PCDHGB2: variants seen among roughly 807,000 people sequenced by gnomAD.
The protein encoded by PCDHGB2 is protocadherin gamma-B2.
Under a neutral mutation model 59.3 loss-of-function variants are expected in PCDHGB2, and 55 were observed. The ratio of observed to expected loss-of-function variants is 0.93; its 90% CI spans 0.75 to 1.16. The LOEUF (loss-of-function observed/expected upper bound fraction) is 1.16, where lower values mean the gene tolerates loss of function less well. Among genes scored for constraint, PCDHGB2 ranks in the 50% most tolerant of loss-of-function variants. PCDHGB2 has a pLI of 0.00. For synonymous variants in PCDHGB2, 516 were observed against 512.0 expected, an observed-to-expected ratio of 1.01 and a Z score of -0.11; for missense variants, 1,228 against 1,198.5, an observed-to-expected ratio of 1.02 and a Z score of -0.36.
chr5:141,415,755 T>G (rs753465209), intron 1 of PCDHGB2: 41 of 1,387,576 alleles, frequency 3.0e-5, no homozygotes, highest in Middle Eastern at 2.6e-4. Flanking sequence ...TTTTTTTTTT[T>G]TTTTTTTTTT....
Position 141,476,788 on chromosome 5 carries a change from C to G in PCDHGB2, c.2422-18019C>G. 1 of 1,613,478 alleles carries G rather than the reference C, an allele frequency of 6.2e-7. No homozygotes were observed. Among genetic ancestry groups the G allele is most frequent in the Non-Finnish European group, 8.5e-7 (1 of 1,180,032 alleles). ...CGTTGGACGGAGGGACCCCAGCTCT[C>G]TCCGCCAGCCTGCCTATTCACATCA... On this transcript the variant is annotated intron_variant, in intron 1 of 3. Coordinates refer to ENST00000522605, the MANE Select transcript of PCDHGB2 (RefSeq NM_018923.3). This position sits in a 1 kb window ranked among gnomAD's most constrained non-coding sequence, Gnocchi z 7.6.
chr5:141,397,602 G>T (rs2150712888), intron 1 of PCDHGB2, among the ~76,000 whole-genome samples: 1 of 152,296 alleles, frequency 6.6e-6, no homozygotes, highest in African/African-American at 2.4e-5. Flanking sequence ...TATTGCCAGT[G>T]ACAAGGGCAA....
At position 141,485,789 on chromosome 5, in the gene PCDHGB2, T is replaced by G. The variant is rs1276069810; in HGVS notation, c.2422-9018T>G. The G allele has an allele frequency of 1.2e-6, 2 of 1,613,978 alleles. No individual in the cohort carries two copies. The highest frequency in any genetic ancestry group is 1.7e-6 in the Non-Finnish European group (2 of 1,180,030). On this transcript the variant is annotated intron_variant, in intron 1 of 3. Coordinates refer to ENST00000522605, the MANE Select transcript of PCDHGB2 (RefSeq NM_018923.3). This position sits in a 1 kb window ranked among gnomAD's most constrained non-coding sequence, Gnocchi z 5.7. ...GAAGCCTTTGGATCGAGAGAAGCAATCGGACTACCGCCTGGTGCTGACTGC... is the reference window on the plus strand; with the variant it reads ...GAAGCCTTTGGATCGAGAGAAGCAAGCGGACTACCGCCTGGTGCTGACTGC...
intron 2 of PCDHGB2, among the ~76,000 whole-genome samples, chr5:141,500,184 TTTTATTTA>T (rs58019021): frequency 0.099 from 13,469 of 135,812 alleles, 757 homozygotes; most frequent in African/African-American, 0.15. Context: ...TCATTTTTAT[TTTTATTTA>T]TTTATTTATT....
Position 141,431,877 on chromosome 5 carries a change from A to G in PCDHGB2, c.2422-62930A>G. On this transcript the variant is annotated intron_variant, in intron 1 of 3. Coordinates refer to ENST00000522605, the MANE Select transcript of PCDHGB2 (RefSeq NM_018923.3). The surrounding 1 kb of genome is among the most constrained non-coding windows in gnomAD (Gnocchi z 4.8). ...TTAATTGCCCTTTTAAATGTAAATG[A>G]CCAAGATTCTGAGGAAAACGGACAG... is the stretch of plus-strand genomic sequence containing the variant. 8 of 1,614,230 alleles carry G rather than the reference A, an allele frequency of 5.0e-6. No individual in the cohort carries two copies. Among genetic ancestry groups the G allele is most frequent in the Non-Finnish European group, 6.8e-6 (8 of 1,180,016 alleles).
intron 2 of PCDHGB2, among the ~76,000 whole-genome samples, chr5:141,500,812 T>C: frequency 6.6e-6 from 1 of 152,322 alleles, no homozygotes; most frequent in South Asian, 2.1e-4. Flanking sequence ...CATATGAATA[T>C]ACATATTATT....
chr5:141,415,766 TTTTTTTACTTTC>T, intron 1 of PCDHGB2: 1 of 1,295,032 alleles, frequency 7.7e-7, no homozygotes, highest in Admixed American at 3.5e-5. Flanking sequence ...TTTTTTTTTT[TTTTTTTACTTTC>T]TGGTAAAATT....
Position 141,491,906 on chromosome 5 carries a change from T to A in PCDHGB2, c.2422-2901T>A, listed in dbSNP as rs1490050332. On this transcript the variant is annotated intron_variant, in intron 1 of 3. Transcript: ENST00000522605. The surrounding 1 kb of genome is among the most constrained non-coding windows in gnomAD (Gnocchi z 6.9). ...ATGGGGCTCCGAGCACCGGGGGTGG[T>A]GGCGACTGTGGGCGAGGGGAGGTGG... is the stretch of plus-strand genomic sequence containing the variant. 7.1e-7 allele frequency: 1 copy of A among 1,414,468 alleles called. No individual in the cohort carries two copies. Among genetic ancestry groups the A allele is most frequent in the African/African-American group, 1.4e-5 (1 of 69,002 alleles). 87.6% of individuals were successfully genotyped at this position (1,414,468 alleles called of 1,614,324 possible).
chr5:141,421,418 G>C, intron 1 of PCDHGB2: 1 of 1,614,086 alleles, frequency 6.2e-7, no homozygotes, highest in Middle Eastern at 1.7e-4. Context: ...GCGAAGCGCG[G>C]AGTCCGCATC....
chr5:141,420,271 A>G, intron 1 of PCDHGB2: 1 of 1,536,584 alleles, frequency 6.5e-7, no homozygotes, highest in Non-Finnish European at 8.8e-7. Flanking sequence ...AGATTCTTAA[A>G]CAGGTAAGTA....
At chr5:141,392,691 AC>A in intron 1 of PCDHGB2, 1 of 1,132,688 alleles carries the variant, frequency 8.8e-7, no homozygotes, top group Non-Finnish European at 1.2e-6. Context: ...GCGAAACCCG[AC>A]CCCTGTTTGG....
At chr5:141,416,010 A>T (rs968655183) in intron 1 of PCDHGB2, 5 of 245,908 alleles carry the variant, frequency 2.0e-5, no homozygotes, top group Non-Finnish European at 3.0e-5. Flanking sequence ...TGGTAAGAAT[A>T]GGTAAGTATC....
intron 1 of PCDHGB2, chr5:141,364,956 A>G: frequency 1.2e-6 from 2 of 1,613,264 alleles, no homozygotes; most frequent in Non-Finnish European, 1.7e-6. Flanking sequence ...ACTGTTCACG[A>G]CCTCCTCCTC....
chr5:141,467,476 G>C (rs114088806), intron 1 of PCDHGB2, among the ~76,000 whole-genome samples: 1,866 of 152,156 alleles, frequency 0.012, 41 homozygotes, highest in African/African-American at 0.043. Flanking sequence ...CATGGTTTTT[G>C]GTTTCCACAT....
chr5:141,456,103 T>C lies in PCDHGB2; in HGVS notation c.2422-38704T>C, dbSNP rs185224428. Among the ~76,000 whole-genome samples the C allele has an allele frequency of 2.6e-3, 390 of 152,142 alleles. 3 individuals are homozygous for C. The highest frequency in any genetic ancestry group is 6.7e-3 in the Admixed American group (103 of 15,290). On this transcript the variant is annotated intron_variant, in intron 1 of 3. Coordinates refer to ENST00000522605, the MANE Select transcript of PCDHGB2 (RefSeq NM_018923.3). The stretch of plus-strand genomic sequence containing the variant: ...CAGTAGAGACGGGATTTCACCGTGT[T>C]AGCCAGGATGGTCTCCATCTCCTGA...
chr5:141,382,495 A>G (rs1778251368), intron 1 of PCDHGB2, among the ~76,000 whole-genome samples: 1 of 152,272 alleles, frequency 6.6e-6, no homozygotes, highest in African/African-American at 2.4e-5. Context: ...ACACCGGTCC[A>G]TGAACACTGT....
Position 141,420,141 on chromosome 5 carries a change from T to C in PCDHGB2, c.2421+57585T>C, listed in dbSNP as rs556066866. 9.9e-6 allele frequency: 16 copies of C among 1,614,040 alleles called. No homozygotes were observed. The East Asian group carries it at 3.3e-4, about 34-fold the overall frequency. On this transcript the variant is annotated intron_variant, in intron 1 of 3. Coordinates refer to ENST00000522605, the MANE Select transcript of PCDHGB2 (RefSeq NM_018923.3). ...AATTTTTGTGTGCCTGGGGATCAAA[T>C]GAATCCAGAATTTAATTTTTTCACA... is the stretch of plus-strand genomic sequence containing the variant.
chr5:141,433,232 C>T (rs1344380820), intron 1 of PCDHGB2: 1 of 1,516,488 alleles, frequency 6.6e-7, no homozygotes, highest in Admixed American at 1.9e-5. Flanking sequence ...ATTGCTCTGT[C>T]TCCCAAGCTG....
chr5:141,374,484 T>C, intron 1 of PCDHGB2: 1 of 1,611,588 alleles, frequency 6.2e-7, no homozygotes. Flanking sequence ...CCCCGATTCT[T>C]AAAGGAAGAA....
Sources: gnomAD v4.1 joint callset for allele counts (sites outside exome capture counted in the v4.1 genomes callset) on GRCh38, gnomAD v4.1.1 for gene constraint, Gnocchi (gnomAD v3.1) non-coding constraint, MANE v1.5 for transcripts, NCBI Gene and HGNC (gene_info 2026-07-23, HGNC 2026-07-21) for gene names.